TANC1: variants seen among roughly 807,000 people sequenced by gnomAD.
TANC1 encodes the protein tetratricopeptide repeat, ankyrin repeat and coiled-coil containing 1.
In TANC1, 77 loss-of-function variants were observed where a neutral mutation model predicts 149.7. The observed-to-expected ratio is 0.51, with a 90% CI of 0.43 to 0.62. The LOEUF (loss-of-function observed/expected upper bound fraction) is 0.62. Among genes scored for constraint, TANC1 ranks in the 20% least tolerant of loss-of-function variants. The pLI, the probability that TANC1 is intolerant of heterozygous loss-of-function variation, is 0.00. For synonymous variants in TANC1, 854 were observed against 925.0 expected, an observed-to-expected ratio of 0.92 and a Z score of 1.39; for missense variants, 1,985 against 2,321.8, an observed-to-expected ratio of 0.85 and a Z score of 2.98.
Position 159,123,024 on chromosome 2 carries a change from C to A in TANC1, c.260-13170C>A, listed in dbSNP as rs115053862. Among the ~76,000 whole-genome samples the A allele has an allele frequency of 9.8e-3, 1,494 of 152,214 alleles. 30 individuals carry two copies. Among genetic ancestry groups the A allele is most frequent in the African/African-American group, 0.034 (1,420 of 41,530 alleles). ...TCTTTGGACCTAATCTGATTAAACT[C>A]ATAAATCCTATTAAGAGCAACAGTG... is the stretch of plus-strand genomic sequence containing the variant. On this transcript the variant is annotated intron_variant, in intron 4 of 26. Transcript: ENST00000263635.
intron 16 of TANC1, among the ~76,000 whole-genome samples, chr2:159,189,005 A>G (rs1001167038): frequency 6.6e-6 from 1 of 152,160 alleles, no homozygotes; most frequent in African/African-American, 2.4e-5. Flanking sequence ...CTCTGTGACC[A>G]TCATTAGCTT....
chr2:159,213,265 G>A (rs1172191535), intron 19 of TANC1, among the ~76,000 whole-genome samples: 2 of 152,132 alleles, frequency 1.3e-5, no homozygotes, highest in African/African-American at 4.8e-5. Flanking sequence ...CAAGCCTTAT[G>A]TTAGTAGGAA....
At chr2:159,059,746 A>G (rs1451271561) in intron 2 of TANC1, among the ~76,000 whole-genome samples, 1 of 151,488 alleles carries the variant, frequency 6.6e-6, no homozygotes, top group African/African-American at 2.4e-5. Flanking sequence ...AATGTCAAAA[A>G]CTCATCAAGG....
chr2:159,225,103 G>A (rs1424877295), intron 23 of TANC1: 1 of 159,758 alleles, frequency 6.3e-6, no homozygotes, highest in African/African-American at 2.4e-5. Flanking sequence ...TTTTACAGAT[G>A]AGGAAACCAA....
intron 1 of TANC1, among the ~76,000 whole-genome samples, chr2:158,981,543 A>AG (rs58329621): frequency 9.9e-6 from 1 of 101,442 alleles, no homozygotes; most frequent in African/African-American, 3.5e-5. Flanking sequence ...ATATATATAT[A>AG]AAGAAGTAAC....
intron 3 of TANC1, among the ~76,000 whole-genome samples, chr2:159,073,425 A>G (rs1334424883): frequency 2.0e-5 from 3 of 152,210 alleles, no homozygotes; most frequent in Admixed American, 1.3e-4. Flanking sequence ...CCCTGGACTA[A>G]TAAGACCTTT....
At chr2:159,143,570 A>C (rs1308706736) in intron 5 of TANC1, among the ~76,000 whole-genome samples, 2 of 148,198 alleles carry the variant, frequency 1.3e-5, no homozygotes, top group Admixed American at 1.3e-4. Context: ...AAAAAAAAAA[A>C]AAAAAAAAAA....
At chr2:159,171,848 C>T (rs1172381505) in intron 10 of TANC1, among the ~76,000 whole-genome samples, 5 of 110,218 alleles carry the variant, frequency 4.5e-5, no homozygotes, top group Middle Eastern at 0.011. Context: ...CAGAGTGAGA[C>T]TCCGCCTTAA....
intron 24 of TANC1, 102 bp downstream of exon 24, chr2:159,225,881 T>A: frequency 1.1e-6 from 1 of 937,748 alleles, no homozygotes; most frequent in Non-Finnish European, 1.7e-6. Flanking sequence ...AGTCTCCATG[T>A]AATAGAAGTG....
chr2:159,118,703 A>T (rs1273840459), intron 4 of TANC1, among the ~76,000 whole-genome samples: 1 of 152,194 alleles, frequency 6.6e-6, no homozygotes, highest in African/African-American at 2.4e-5. Flanking sequence ...AAGCAAATGT[A>T]GCCTTGATGG....
At chr2:159,071,747 G>A (rs1172476325) in intron 3 of TANC1, among the ~76,000 whole-genome samples, 1 of 152,142 alleles carries the variant, frequency 6.6e-6, no homozygotes, top group African/African-American at 2.4e-5. Context: ...GCCACTGCCC[G>A]TTTTCTGTGG....
intron 4 of TANC1, among the ~76,000 whole-genome samples, chr2:159,102,712 CTTTTTTTTTTTTTTT>C (rs755803794): frequency 7.4e-5 from 2 of 27,122 alleles, no homozygotes; most frequent in Non-Finnish European, 1.6e-4. Context: ...TGGATATTTG[CTTTTTTTTTTTTTTT>C]TTTTTTTTTG....
intron 2 of TANC1, among the ~76,000 whole-genome samples, chr2:159,023,091 T>A (rs969438234): frequency 6.6e-6 from 1 of 152,042 alleles, no homozygotes; most frequent in Non-Finnish European, 1.5e-5. Flanking sequence ...ATAGGGAAAA[T>A]TGAGACTTCT....
chr2:159,081,909 TG>T (rs1260792390), intron 3 of TANC1, among the ~76,000 whole-genome samples: 1 of 152,196 alleles, frequency 6.6e-6, no homozygotes, highest in Non-Finnish European at 1.5e-5. Context: ...CCAAAGGAGC[TG>T]GGGGATCCAG....
intron 1 of TANC1, among the ~76,000 whole-genome samples, chr2:158,979,409 G>A (rs373589186): frequency 6.6e-6 from 1 of 151,682 alleles, no homozygotes; most frequent in Non-Finnish European, 1.5e-5. Flanking sequence ...TGGGAGGGTC[G>A]CTTGAGCCTG....
At chr2:159,002,964 G>A (rs968381189) in intron 2 of TANC1, among the ~76,000 whole-genome samples, 1 of 152,248 alleles carries the variant, frequency 6.6e-6, no homozygotes, top group Non-Finnish European at 1.5e-5. Context: ...TATCAGACAT[G>A]CAGCAGTATG....
chr2:158,986,616 A>G (rs1308877234), intron 1 of TANC1, among the ~76,000 whole-genome samples: 1 of 152,152 alleles, frequency 6.6e-6, no homozygotes, highest in Non-Finnish European at 1.5e-5. Flanking sequence ...TCCTGGGTTG[A>G]GAGTGAGACA....
At chr2:158,989,609 CA>C (rs35891573) in intron 1 of TANC1, among the ~76,000 whole-genome samples, 28,173 of 87,646 alleles carry the variant, frequency 0.32, 2,696 homozygotes, top group South Asian at 0.49. Context: ...GACTCAGTCT[CA>C]AAAAAAAAAA....
intron 2 of TANC1, among the ~76,000 whole-genome samples, chr2:159,030,161 G>GA (rs990309124): frequency 7.4e-5 from 11 of 148,786 alleles, no homozygotes; most frequent in Non-Finnish European, 1.5e-4. Context: ...TTCCCGGGGT[G>GA]AAAAAAAAAA....
Sources: allele counts gnomAD v4.1 joint callset (sites outside exome capture counted in the v4.1 genomes callset), GRCh38; gene constraint gnomAD v4.1.1; transcripts MANE v1.5; gene names NCBI Gene and HGNC (gene_info 2026-07-23, HGNC 2026-07-21).